Variants in ANK1 observed in about 807,000 individuals in gnomAD.
ANK1 encodes ankyrin 1.
Under a neutral mutation model 210.4 loss-of-function variants are expected in ANK1, and 51 were observed. That is an observed-to-expected ratio of 0.24 (90% confidence interval 0.19 to 0.31). The LOEUF is 0.31. Ranked by LOEUF, ANK1 falls within the 10% of genes least tolerant of loss-of-function variation. The pLI is 1.00. For missense variants in ANK1, 2,051 were observed against 2,504.4 expected, an observed-to-expected ratio of 0.82 and a Z score of 3.86; for synonymous variants, 967 against 1,025.9, an observed-to-expected ratio of 0.94 and a Z score of 1.10.
intron 1 of ANK1, among the ~76,000 whole-genome samples, chr8:41,790,786 T>C (rs577044380): frequency 1.4e-4 from 21 of 151,974 alleles, no homozygotes; most frequent in African/African-American, 4.6e-4. Flanking sequence ...CTAATGGGGG[T>C]TGGGGGAGGT....
Position 41,694,563 on chromosome 8 carries a change from C to T in ANK1, c.3327+29G>A. 4 of 1,606,302 alleles carry T rather than the reference C, an allele frequency of 2.5e-6. No homozygotes were observed. The highest frequency in any genetic ancestry group is 3.4e-6 in the Non-Finnish European group (4 of 1,176,674). ...GGAGGCCTGGAGTTCAGTCCACCCC[C>T]AGGACCTGGCGGGGAGGAGGGCTGT... On this transcript the variant is annotated intron_variant, in intron 28 of 42. Transcript: ENST00000289734. The surrounding 1 kb of genome is among the most constrained non-coding windows in gnomAD (Gnocchi z 5.7).
At chr8:41,846,164 G>C (rs1389916229) in intron 1 of ANK1, among the ~76,000 whole-genome samples, 1 of 152,194 alleles carries the variant, frequency 6.6e-6, no homozygotes, top group African/African-American at 2.4e-5. Flanking sequence ...CATTTTATGG[G>C]GGACAAAGCA....
At chr8:41,847,790 A>T (rs1382226556) in intron 1 of ANK1, among the ~76,000 whole-genome samples, 2 of 152,176 alleles carry the variant, frequency 1.3e-5, no homozygotes, top group Admixed American at 1.3e-4. Flanking sequence ...TGGCAGTGTG[A>T]TGTGTGTCCT....
intron 1 of ANK1, among the ~76,000 whole-genome samples, chr8:41,803,051 GAAAGAGAGA>G: frequency 1.4e-5 from 1 of 72,852 alleles, no homozygotes; most frequent in Non-Finnish European, 2.8e-5. Flanking sequence ...GAGAAAGAAA[GAAAGAGAGA>G]AAGGAAGGAA....
chr8:41,816,411 T>A (rs2010743), intron 1 of ANK1, among the ~76,000 whole-genome samples: 121,181 of 152,198 alleles, frequency 0.8, 49,491 homozygotes, highest in African/African-American at 0.93. Context: ...TTCTGAAGAC[T>A]TGCCTGTTTT....
At chr8:41,667,622 G>A (rs534713034) in intron 39 of ANK1, among the ~76,000 whole-genome samples, 35 of 152,234 alleles carry the variant, frequency 2.3e-4, no homozygotes, top group East Asian at 3.9e-4. Context: ...CAACAAACTC[G>A]AAGGGAATCC....
chr8:41,851,745 T>C (rs926924968), intron 1 of ANK1, among the ~76,000 whole-genome samples: 1 of 152,134 alleles, frequency 6.6e-6, no homozygotes, highest in African/African-American at 2.4e-5. Flanking sequence ...TAGTCCCAGC[T>C]CCTCAGGAGG....
At chr8:41,766,941 C>A (rs1290392734) in intron 1 of ANK1, among the ~76,000 whole-genome samples, 1 of 152,114 alleles carries the variant, frequency 6.6e-6, no homozygotes, top group Admixed American at 6.5e-5. Flanking sequence ...TCTCCCACCC[C>A]CTGCTGAATC....
chr8:41,861,760 G>C (rs1813309817), intron 1 of ANK1, among the ~76,000 whole-genome samples: 1 of 152,248 alleles, frequency 6.6e-6, no homozygotes, highest in African/African-American at 2.4e-5. Context: ...AGGTATCTGG[G>C]AGGACCCAAG....
At chr8:41,856,374 G>A (rs1208800479) in intron 1 of ANK1, among the ~76,000 whole-genome samples, 5 of 152,170 alleles carry the variant, frequency 3.3e-5, no homozygotes, top group African/African-American at 7.2e-5. Context: ...TTCTCTGCCC[G>A]AATATGATTT....
chr8:41,885,628 G>C (rs981666704), intron 1 of ANK1, among the ~76,000 whole-genome samples: 6 of 152,188 alleles, frequency 3.9e-5, no homozygotes, highest in African/African-American at 1.4e-4. Context: ...GGCTAAACAA[G>C]CTGTGGAAGG....
chr8:41,684,378 C>G, intron 37 of ANK1, 166 bp downstream of exon 37: 14 of 1,170,596 alleles, frequency 1.2e-5, no homozygotes, highest in Non-Finnish European at 1.8e-5. Context: ...TCCTTCGCCT[C>G]TGCTTCCCCG....
chr8:41,803,060 A>T (rs2355296), intron 1 of ANK1, among the ~76,000 whole-genome samples: 1 of 59,038 alleles, frequency 1.7e-5, no homozygotes, highest in Non-Finnish European at 3.3e-5. Context: ...AGAAAGAGAG[A>T]AAGGAAGGAA....
At chr8:41,816,113 G>A (rs576573605) in intron 1 of ANK1, among the ~76,000 whole-genome samples, 1 of 152,140 alleles carries the variant, frequency 6.6e-6, no homozygotes, top group South Asian at 2.1e-4. Flanking sequence ...TAACAATTAT[G>A]TTTGGATTAT....
At chr8:41,783,414 G>A (rs1425782761) in intron 1 of ANK1, among the ~76,000 whole-genome samples, 1 of 152,154 alleles carries the variant, frequency 6.6e-6, no homozygotes, top group Non-Finnish European at 1.5e-5. Context: ...GCACCAAGGA[G>A]TGAATCTCTA....
At chr8:41,804,910 G>A (rs1160115919) in intron 1 of ANK1, among the ~76,000 whole-genome samples, 2 of 152,128 alleles carry the variant, frequency 1.3e-5, no homozygotes, top group Non-Finnish European at 2.9e-5. Context: ...AACAACAGAT[G>A]CTTAATTAAT....
intron 22 of ANK1, among the ~76,000 whole-genome samples, chr8:41,700,103 C>T (rs1332730209): frequency 6.6e-6 from 1 of 152,236 alleles, no homozygotes; most frequent in Non-Finnish European, 1.5e-5. Flanking sequence ...CCCCGGCCCT[C>T]GACCTTGAGG....
chr8:41,883,657 C>T (rs1483236846), intron 1 of ANK1, among the ~76,000 whole-genome samples: 1 of 152,104 alleles, frequency 6.6e-6, no homozygotes, highest in African/African-American at 2.4e-5. Flanking sequence ...ATGGGGTCTT[C>T]CTGTGTGGCC....
chr8:41,892,288 A>T (rs1160317608), intron 1 of ANK1, among the ~76,000 whole-genome samples: 2 of 150,312 alleles, frequency 1.3e-5, no homozygotes, highest in Non-Finnish European at 3.0e-5. Flanking sequence ...TCAACAAAAA[A>T]CCCCTCTCCT....
Sources: allele counts gnomAD v4.1 joint callset (sites outside exome capture counted in the v4.1 genomes callset), GRCh38; gene constraint gnomAD v4.1.1; non-coding constraint Gnocchi (gnomAD v3.1); transcripts MANE v1.5; gene names NCBI Gene and HGNC (gene_info 2026-07-23, HGNC 2026-07-21).